Variants in FGD4 observed in about 807,000 individuals in gnomAD.
FGD4 encodes FYVE, RhoGEF and PH domain-containing protein 4.
FGD4 carries 42 observed loss-of-function variants against 102.0 expected under a neutral mutation model. The observed-to-expected ratio is 0.41, with a 90% confidence interval of 0.32 to 0.53. FGD4 has a LOEUF of 0.53. Among genes scored for constraint, FGD4 ranks in the 20% least tolerant of loss-of-function variants. The pLI, the probability that FGD4 is intolerant of heterozygous loss-of-function variation, is 0.21. For missense variants in FGD4, 902 were observed against 1,078.2 expected (o/e 0.84, Z 2.29); for synonymous variants, 380 against 375.7 (o/e 1.01, Z -0.13).
chr12:32,585,860 A>AAT (rs1491469243), intron 4 of FGD4, among the ~76,000 whole-genome samples: 4 of 145,276 alleles, frequency 2.8e-5, no homozygotes, highest in African/African-American at 7.5e-5. Flanking sequence ...AAAAAAAAAA[A>AAT]GGGAAATGCA....
At position 32,511,549 on chromosome 12, in the gene FGD4, G is replaced by A. The variant is rs149475850; in HGVS notation, c.167-52588G>A. 7.8e-4 allele frequency among the ~76,000 whole-genome samples: 118 copies of A among 152,122 alleles called. No homozygotes were observed. The East Asian group carries it at 0.011, about 14-fold the overall frequency. Reference sequence around the variant, plus strand: ...GATCTCCTGACTTCGTGATCCGCCCGCCTCGGCCTCCCAAAGTACTGGGAT... The same window carrying A: ...GATCTCCTGACTTCGTGATCCGCCCACCTCGGCCTCCCAAAGTACTGGGAT... On this transcript the variant is annotated intron_variant, in intron 1 of 16. Transcript: ENST00000534526.
chr12:32,509,419 C>A (rs1939137618), intron 1 of FGD4, among the ~76,000 whole-genome samples: 1 of 151,746 alleles, frequency 6.6e-6, no homozygotes, highest in African/African-American at 2.4e-5. Flanking sequence ...TGTCAAAGAA[C>A]ATAAATGGTT....
chr12:32,597,140 T>G lies in FGD4; in HGVS notation c.1012-1357T>G, dbSNP rs149738882. 4.0e-3 allele frequency among the ~76,000 whole-genome samples: 612 copies of G among 152,346 alleles called. 4 individuals carry two copies. Among genetic ancestry groups the G allele is most frequent in the African/African-American group, 0.014 (592 of 41,588 alleles). On this transcript the variant is annotated intron_variant, in intron 4 of 16. Transcript: ENST00000534526. ...AGTATTTATAAGGATTAATTCATTC[T>G]TGACAATGCTTTATAAATGTGGAAC...
intron 1 of FGD4, among the ~76,000 whole-genome samples, chr12:32,508,362 A>C (rs1428914480): frequency 1.3e-5 from 2 of 152,364 alleles, no homozygotes; most frequent in African/African-American, 4.8e-5. Flanking sequence ...GATAACTGGC[A>C]GTTTAAATGA....
At chr12:32,627,237 C>T (rs1592462743) in intron 14 of FGD4, among the ~76,000 whole-genome samples, 1 of 151,994 alleles carries the variant, frequency 6.6e-6, no homozygotes, top group Non-Finnish European at 1.5e-5. Context: ...TCACTGCAAC[C>T]TCCACCTCCC....
chr12:32,576,605 C>T (rs866663556), intron 3 of FGD4, among the ~76,000 whole-genome samples, 156 bp downstream of exon 3: 36 of 152,196 alleles, frequency 2.4e-4, no homozygotes, highest in Admixed American at 2.0e-4. Flanking sequence ...AAACGAATGA[C>T]TTAATCTTAC....
At chr12:32,576,908 A>G (rs537872299) in intron 3 of FGD4, among the ~76,000 whole-genome samples, 1 of 152,136 alleles carries the variant, frequency 6.6e-6, no homozygotes, top group South Asian at 2.1e-4. Flanking sequence ...TTTCCATCCC[A>G]TTTTATTTAA....
At chr12:32,510,396 A>G (rs1437211248) in intron 1 of FGD4, among the ~76,000 whole-genome samples, 2 of 152,220 alleles carry the variant, frequency 1.3e-5, no homozygotes, top group East Asian at 1.9e-4. Context: ...CAATAAAAAT[A>G]CTAGAGGGAA....
At chr12:32,431,443 C>G (rs1942041023) in intron 1 of FGD4, among the ~76,000 whole-genome samples, 1 of 152,068 alleles carries the variant, frequency 6.6e-6, no homozygotes, top group Non-Finnish European at 1.5e-5. Flanking sequence ...TATTCTCACT[C>G]CTTGTTTTGA....
At chr12:32,638,605 C>T (rs774655024) in intron 15 of FGD4, 50 bp from the exon 16 acceptor site, 3 of 1,606,980 alleles carry the variant, frequency 1.9e-6, no homozygotes, top group African/African-American at 2.7e-5. Context: ...GAATATTTCT[C>T]TATCTGATTT....
chr12:32,630,954 G>C (rs1035067851), intron 14 of FGD4, among the ~76,000 whole-genome samples: 1 of 151,814 alleles, frequency 6.6e-6, no homozygotes, highest in Non-Finnish European at 1.5e-5. Context: ...CTCCAGCCTG[G>C]GTGACAGACC....
chr12:32,447,894 T>A (rs11052007), intron 1 of FGD4, among the ~76,000 whole-genome samples: 2 of 152,358 alleles, frequency 1.3e-5, no homozygotes, highest in East Asian at 3.9e-4. Flanking sequence ...TTGAAATATA[T>A]GTAAGAGAGA....
At chr12:32,561,853 A>G (rs1184762649) in intron 1 of FGD4, among the ~76,000 whole-genome samples, 1 of 152,182 alleles carries the variant, frequency 6.6e-6, no homozygotes, top group Admixed American at 6.5e-5. Context: ...GATTTTAAAG[A>G]ACATTTTGGA....
intron 1 of FGD4, among the ~76,000 whole-genome samples, chr12:32,517,359 A>G (rs1342877740): frequency 6.6e-6 from 1 of 152,154 alleles, no homozygotes; most frequent in Non-Finnish European, 1.5e-5. Context: ...TGATGTCTTC[A>G]GCACTGGATT....
intron 1 of FGD4, among the ~76,000 whole-genome samples, chr12:32,489,486 G>C (rs1323097249): frequency 6.6e-6 from 1 of 152,234 alleles, no homozygotes; most frequent in African/African-American, 2.4e-5. Context: ...TATTCAATGA[G>C]TACTTTTACC....
At chr12:32,422,288 CTTTTTTTTT>C (rs770560590) in intron 1 of FGD4, among the ~76,000 whole-genome samples, 339 of 54,124 alleles carry the variant, frequency 6.3e-3, no homozygotes, top group African/African-American at 0.025. Context: ...TTGGGAGCTG[CTTTTTTTTT>C]TTTTTTTTTT....
chr12:32,476,666 T>C (rs1943591482), intron 1 of FGD4, among the ~76,000 whole-genome samples: 1 of 151,892 alleles, frequency 6.6e-6, no homozygotes, highest in African/African-American at 2.4e-5. Context: ...CTGAAGTGGA[T>C]GGATCACTTG....
chr12:32,614,548 A>G (rs958618899), intron 10 of FGD4, among the ~76,000 whole-genome samples: 2 of 152,182 alleles, frequency 1.3e-5, no homozygotes, highest in African/African-American at 2.4e-5. Flanking sequence ...TAGCAGAAAA[A>G]CACCCAGGAA....
intron 1 of FGD4, among the ~76,000 whole-genome samples, chr12:32,549,932 G>A (rs1406327038): frequency 2.0e-5 from 3 of 152,150 alleles, no homozygotes; most frequent in African/African-American, 7.2e-5. Flanking sequence ...TCCTCAGCAC[G>A]TCTCCAGCGT....
Sources: gnomAD v4.1 joint callset for allele counts (sites outside exome capture counted in the v4.1 genomes callset) on GRCh38, gnomAD v4.1.1 for gene constraint, MANE v1.5 for transcripts, NCBI Gene and HGNC (gene_info 2026-07-23, HGNC 2026-07-21) for gene names.